Variants in PDE1A observed in about 807,000 individuals in gnomAD.
PDE1A encodes the protein dual specificity calcium/calmodulin-dependent 3',5'-cyclic nucleotide phosphodiesterase 1A.
In PDE1A, 35 loss-of-function variants were observed where a neutral mutation model predicts 61.7. That is an observed-to-expected ratio of 0.57 (90% CI 0.43 to 0.75). The LOEUF (loss-of-function observed/expected upper bound fraction) is 0.75. Ranked by LOEUF, PDE1A falls within the 30% of genes least tolerant of loss-of-function variation. PDE1A has a pLI of 0.00. For synonymous variants in PDE1A, 232 were observed against 213.2 expected (o/e 1.09, Z -0.77); for missense variants, 597 against 630.6 (o/e 0.95, Z 0.57).
At chr2:182,391,173 T>C (rs2118485) in intron 1 of PDE1A, among the ~76,000 whole-genome samples, 108,058 of 151,922 alleles carry the variant, frequency 0.71, 38,713 homozygotes, top group East Asian at 0.96. Context: ...TTGGTTCAGG[T>C]TGATATGGCC....
At chr2:182,666,926 T>C in the PDE1A span, among the ~76,000 whole-genome samples, 6 of 152,316 alleles carry the variant, frequency 3.9e-5, no homozygotes, top group African/African-American at 1.4e-4. Context: ...ACGGTCTAGG[T>C]ACTTCCTTTT....
the PDE1A span, among the ~76,000 whole-genome samples, chr2:182,549,237 CTATTG>C: frequency 4.0e-5 from 6 of 151,806 alleles, no homozygotes; most frequent in South Asian, 4.2e-4. Flanking sequence ...CAATCGATTT[CTATTG>C]TATGTTTCAT....
chr2:182,241,219 G>A (rs1307722256), intron 2 of PDE1A, among the ~76,000 whole-genome samples: 1 of 152,188 alleles, frequency 6.6e-6, no homozygotes, highest in African/African-American at 2.4e-5. Context: ...ACCAAATACA[G>A]AAACAGCTTA....
the PDE1A span, among the ~76,000 whole-genome samples, chr2:182,623,287 C>A: frequency 1.2e-4 from 18 of 152,220 alleles, no homozygotes; most frequent in African/African-American, 3.9e-4. Flanking sequence ...ATAGACATTG[C>A]ATGTAGAGAG....
At chr2:182,380,787 C>A (rs531357125) in intron 1 of PDE1A, among the ~76,000 whole-genome samples, 6 of 152,254 alleles carry the variant, frequency 3.9e-5, no homozygotes, top group South Asian at 4.1e-4. Context: ...TAGTGCCTAG[C>A]AGAATCCAGT....
chr2:182,464,363 A>C (rs1220698579), intron 2 of PDE1A, among the ~76,000 whole-genome samples: 1 of 152,114 alleles, frequency 6.6e-6, no homozygotes, highest in African/African-American at 2.4e-5. Context: ...AGCAGCGATG[A>C]GTGAAAATTT....
At chr2:182,297,429 T>G (rs550528470) in intron 1 of PDE1A, among the ~76,000 whole-genome samples, 9 of 152,216 alleles carry the variant, frequency 5.9e-5, no homozygotes, top group African/African-American at 2.2e-4. Context: ...AAAGAGGAGG[T>G]CTGATCATTA....
At chr2:182,224,405 T>C (rs1688974115) in intron 6 of PDE1A, among the ~76,000 whole-genome samples, 1 of 151,928 alleles carries the variant, frequency 6.6e-6, no homozygotes, top group Non-Finnish European at 1.5e-5. Context: ...ATTAAAAATA[T>C]TCACTTTCTT....
At chr2:182,494,995 G>T (rs1317912343) in intron 2 of PDE1A, among the ~76,000 whole-genome samples, 1 of 152,058 alleles carries the variant, frequency 6.6e-6, no homozygotes, top group Non-Finnish European at 1.5e-5. Flanking sequence ...GACCATTAAG[G>T]ACTCCCTTTC....
At chr2:182,531,491 T>C in the PDE1A span, among the ~76,000 whole-genome samples, 5 of 151,854 alleles carry the variant, frequency 3.3e-5, no homozygotes, top group Non-Finnish European at 5.9e-5. Flanking sequence ...AAAAAGGGCA[T>C]AGCCTAAAGA....
the PDE1A span, among the ~76,000 whole-genome samples, chr2:182,644,627 G>C: frequency 6.6e-6 from 1 of 152,082 alleles, no homozygotes; most frequent in East Asian, 1.9e-4. Context: ...CTAATACTGT[G>C]ACCTTTGGCA....
chr2:182,556,651 AT>A, the PDE1A span, among the ~76,000 whole-genome samples: 1 of 152,148 alleles, frequency 6.6e-6, no homozygotes, highest in Non-Finnish European at 1.5e-5. Flanking sequence ...TATAAAATAA[AT>A]TTACATGAAC....
At chr2:182,406,045 TA>T (rs1702279033) in intron 1 of PDE1A, among the ~76,000 whole-genome samples, 1 of 152,132 alleles carries the variant, frequency 6.6e-6, no homozygotes. Flanking sequence ...ATAAATTTCC[TA>T]TTTGATAATA....
At chr2:182,252,948 T>A (rs1290649762) in intron 2 of PDE1A, among the ~76,000 whole-genome samples, 1 of 152,192 alleles carries the variant, frequency 6.6e-6, no homozygotes, top group Non-Finnish European at 1.5e-5. Flanking sequence ...TGTACAAACA[T>A]CTTTGTATGT....
intron 1 of PDE1A, chr2:182,522,601 T>C (rs960105258): frequency 1.5e-6 from 2 of 1,333,552 alleles, no homozygotes; most frequent in Middle Eastern, 2.9e-4. Flanking sequence ...GACAGCAGTA[T>C]AAACAGATGC....
At chr2:182,650,915 T>C in the PDE1A span, among the ~76,000 whole-genome samples, 4 of 152,210 alleles carry the variant, frequency 2.6e-5, no homozygotes, top group African/African-American at 9.6e-5. Flanking sequence ...TCTGCCTTCA[T>C]GTTACATTTA....
chr2:182,337,593 T>A (rs1315608884), intron 1 of PDE1A, among the ~76,000 whole-genome samples: 1 of 152,202 alleles, frequency 6.6e-6, no homozygotes, highest in East Asian at 1.9e-4. Context: ...TGGCCTTTTG[T>A]ACTTTCAGAT....
At chr2:182,255,085 A>G (rs1691678769) in intron 2 of PDE1A, among the ~76,000 whole-genome samples, 1 of 152,144 alleles carries the variant, frequency 6.6e-6, no homozygotes, top group South Asian at 2.1e-4. Context: ...GCTTGGAAAT[A>G]CTGTCACCAT....
chr2:182,577,879 C>T, the PDE1A span, among the ~76,000 whole-genome samples: 1 of 148,552 alleles, frequency 6.7e-6, no homozygotes, highest in Non-Finnish European at 1.5e-5. Flanking sequence ...TAGATCTCAC[C>T]ACTGCACTCC....
Sources: gnomAD v4.1 joint callset for allele counts (sites outside exome capture counted in the v4.1 genomes callset) on GRCh38, gnomAD v4.1.1 for gene constraint, MANE v1.5 for transcripts, NCBI Gene and HGNC (gene_info 2026-07-23, HGNC 2026-07-21) for gene names.